ACTR3B: variants seen among roughly 807,000 people sequenced by gnomAD.
The protein encoded by ACTR3B is actin-related protein 3B.
Under a neutral mutation model 59.0 loss-of-function variants are expected in ACTR3B, and 8 were observed. The ratio of observed to expected loss-of-function variants is 0.14; its 90% CI spans 0.08 to 0.24. ACTR3B has a LOEUF of 0.24. ACTR3B is among the 10% of genes least tolerant of loss of function. The probability of loss-of-function intolerance (pLI) is 1.00; values close to 1 mark genes in which losing one functional copy is unlikely to be tolerated. For missense variants in ACTR3B, 245 were observed against 552.3 expected (o/e 0.44, Z 5.58); for synonymous variants, 148 against 197.9 (o/e 0.75, Z 2.12).
intron 1 of ACTR3B, among the ~76,000 whole-genome samples, chr7:152,763,930 G>T (rs1373257898): frequency 6.6e-6 from 1 of 152,106 alleles, no homozygotes; most frequent in Non-Finnish European, 1.5e-5. Context: ...TGTTGTCAGT[G>T]GGTTATCTAT....
At chr7:152,812,266 G>T (rs1795328512) in intron 4 of ACTR3B, 1 of 96,100 alleles carries the variant, frequency 1.0e-5, no homozygotes, top group African/African-American at 2.8e-5. Flanking sequence ...CCTGACCTCA[G>T]GTGATCCGCC....
At position 152,854,333 on chromosome 7, in the gene ACTR3B, C is replaced by G; in HGVS notation, c.1162-125C>G. ...AGTACATCAGAGAGGTAAAATCTTG[C>G]AGCAGCGGTCCTGGGAGGGAGGGTG... On this transcript the variant is annotated intron_variant, in intron 11 of 11. Transcript: ENST00000256001. This position sits in a 1 kb window ranked among gnomAD's most constrained non-coding sequence, Gnocchi z 4.9. 1.3e-6 allele frequency: 1 copy of G among 782,914 alleles called. No individual in the cohort carries two copies. Among genetic ancestry groups the G allele is most frequent in the Non-Finnish European group, 2.2e-6 (1 of 460,866 alleles). The allele number at this position is 782,914 out of a possible 1,614,324, so 48.5% of individuals were successfully genotyped here.
intron 1 of ACTR3B, 69 bp downstream of exon 1, chr7:152,759,995 C>T (rs1198603485): frequency 3.2e-6 from 4 of 1,255,340 alleles, no homozygotes; most frequent in Middle Eastern, 3.0e-4. Flanking sequence ...GTCCACCTCG[C>T]CTGGAGGTCG....
intron 1 of ACTR3B, among the ~76,000 whole-genome samples, chr7:152,767,441 A>C (rs191265185): frequency 3.3e-4 from 50 of 152,180 alleles, no homozygotes; most frequent in African/African-American, 1.1e-3. Flanking sequence ...CTGCCCATCT[A>C]ATTCCTTTTT....
intron 5 of ACTR3B, among the ~76,000 whole-genome samples, chr7:152,815,137 T>C (rs956184562): frequency 2.0e-5 from 3 of 151,828 alleles, no homozygotes; most frequent in Admixed American, 2.0e-4. Flanking sequence ...CCTGCCACCT[T>C]ATGTAAGGGA....
intron 5 of ACTR3B, among the ~76,000 whole-genome samples, chr7:152,814,887 T>C (rs1795564519): frequency 6.6e-6 from 1 of 152,250 alleles, no homozygotes; most frequent in African/African-American, 2.4e-5. Flanking sequence ...TAAAGTCTAA[T>C]GCATTTTTAT....
At chr7:152,798,153 A>G (rs1026394923) in intron 2 of ACTR3B, among the ~76,000 whole-genome samples, 1 of 152,044 alleles carries the variant, frequency 6.6e-6, no homozygotes, top group Admixed American at 6.5e-5. Flanking sequence ...ATTCCCACCT[A>G]TAGTGTATAA....
In ACTR3B at chr7:152,824,604, T is replaced by C. The variant is rs1796426751; in HGVS notation, c.859-426T>C. 6.6e-6 allele frequency among the ~76,000 whole-genome samples: 1 copy of C among 152,256 alleles called. No homozygotes were observed. The highest frequency in any genetic ancestry group is 2.4e-5 in the African/African-American group (1 of 41,478). On this transcript the variant is annotated intron_variant, in intron 8 of 11. Transcript: ENST00000256001. The surrounding 1 kb of genome is among the most constrained non-coding windows in gnomAD (Gnocchi z 4.2). ...CCTGCATCTTCTAGACCAGGTTTAA[T>C]TAATCTTTCATTGAACCTATTTCTT...
chr7:152,791,769 C>G (rs1294425711), intron 2 of ACTR3B, among the ~76,000 whole-genome samples: 1 of 152,204 alleles, frequency 6.6e-6, no homozygotes, highest in Non-Finnish European at 1.5e-5. Context: ...CTAACCACTA[C>G]TCTGTTTTCA....
At chr7:152,832,094 A>G (rs115563185) in intron 9 of ACTR3B, among the ~76,000 whole-genome samples, 10,239 of 152,228 alleles carry the variant, frequency 0.067, 467 homozygotes, top group South Asian at 0.12. Flanking sequence ...GTATTGGGAA[A>G]TGGCTGTAGG....
At position 152,775,383 on chromosome 7, in the gene ACTR3B, G is replaced by GA. The variant is rs575849544; in HGVS notation, c.45-7800dup. On this transcript the variant is annotated intron_variant, in intron 1 of 11. Transcript: ENST00000256001. ...TTAATTTTCATGACTTTGCAGAACT[G>GA]AAAAGTCTACATATTACTGCTGTCA... Among the ~76,000 whole-genome samples the GA allele has an allele frequency of 2.2e-4, 34 of 151,974 alleles. 1 individual carries two copies. The highest frequency in any genetic ancestry group is 1.4e-3 in the Admixed American group (21 of 15,218).
intron 2 of ACTR3B, among the ~76,000 whole-genome samples, chr7:152,800,208 C>G (rs2098230642): frequency 6.6e-6 from 1 of 152,252 alleles, no homozygotes; most frequent in African/African-American, 2.4e-5. Flanking sequence ...TTGGAACCTA[C>G]TGATGTATAG....
At chr7:152,851,949 TA>T (rs376448778) in intron 9 of ACTR3B, among the ~76,000 whole-genome samples, 176 bp from the exon 10 acceptor site, 4 of 146,130 alleles carry the variant, frequency 2.7e-5, no homozygotes, top group Non-Finnish European at 4.6e-5. Flanking sequence ...GTTGTCTCCA[TA>T]AAAAAAAAAT....
intron 1 of ACTR3B, among the ~76,000 whole-genome samples, chr7:152,776,105 G>A (rs990619283): frequency 4.7e-5 from 7 of 148,696 alleles, no homozygotes; most frequent in East Asian, 2.0e-4. Flanking sequence ...CAATCTGTAA[G>A]TATAGTTTAT....
intron 2 of ACTR3B, among the ~76,000 whole-genome samples, chr7:152,784,550 G>T (rs1005143184): frequency 2.0e-5 from 3 of 152,212 alleles, no homozygotes; most frequent in African/African-American, 7.2e-5. Context: ...TGATTGGTCT[G>T]CTGTGTCCTC....
intron 1 of ACTR3B, among the ~76,000 whole-genome samples, chr7:152,775,006 A>G (rs1590213001): frequency 1.3e-5 from 2 of 152,036 alleles, no homozygotes; most frequent in East Asian, 3.8e-4. Flanking sequence ...AGGGGTCTCA[A>G]TCAAAAGAAC....
intron 9 of ACTR3B, among the ~76,000 whole-genome samples, chr7:152,844,879 A>G (rs1590446739): frequency 6.9e-6 from 1 of 144,212 alleles, no homozygotes; most frequent in African/African-American, 2.5e-5. Context: ...TATTTGATCT[A>G]TTTTCTACCA....
intron 9 of ACTR3B, among the ~76,000 whole-genome samples, chr7:152,837,781 A>C (rs1015292010): frequency 6.6e-6 from 1 of 152,188 alleles, no homozygotes; most frequent in African/African-American, 2.4e-5. Flanking sequence ...CATGGCTGAG[A>C]GGCTTCAAAC....
At position 152,804,478 on chromosome 7, in the gene ACTR3B, T is replaced by C. The variant is rs556832466; in HGVS notation, c.336+2747T>C. 1.1e-4 allele frequency among the ~76,000 whole-genome samples: 17 copies of C among 151,756 alleles called. 1 individual carries two copies. The South Asian group carries it at 2.1e-3, about 19-fold the overall frequency. ...TAGACAGTGAGAGCCACGTGGCCAG[T>C]TTTGTGTTTTAGGGAGACTTTGTGG... is the stretch of plus-strand genomic sequence containing the variant. On this transcript the variant is annotated intron_variant, in intron 4 of 11. Coordinates refer to ENST00000256001, the MANE Select transcript of ACTR3B (RefSeq NM_020445.6).
Sources: allele counts gnomAD v4.1 joint callset (sites outside exome capture counted in the v4.1 genomes callset), GRCh38; gene constraint gnomAD v4.1.1; non-coding constraint Gnocchi (gnomAD v3.1); transcripts MANE v1.5; gene names NCBI Gene and HGNC (gene_info 2026-07-23, HGNC 2026-07-21).